The following CTNNA2 variants were observed in gnomAD, a reference collection of about 807,000 sequenced individuals.
CTNNA2 encodes catenin alpha-2.
A neutral mutation model predicts 101.0 loss-of-function variants in CTNNA2; 42 were observed. The observed-to-expected ratio is 0.42, with a 90% confidence interval of 0.32 to 0.54. CTNNA2 has a LOEUF of 0.54. Among genes scored for constraint, CTNNA2 ranks in the 20% least tolerant of loss-of-function variants. CTNNA2 has a pLI of 0.14. For synonymous variants in CTNNA2, 450 were observed against 456.4 expected (o/e 0.99, Z 0.18); for missense variants, 871 against 1,223.1 (o/e 0.71, Z 4.29).
chr2:79,724,673 G>T, intron 2 of CTNNA2, among the ~76,000 whole-genome samples: 1 of 151,926 alleles, frequency 6.6e-6, no homozygotes, highest in Admixed American at 6.6e-5. Context: ...AAATTAGCTG[G>T]GTGTGGTCGT....
chr2:80,305,455 T>G, intron 7 of CTNNA2: 1 of 875,888 alleles, frequency 1.1e-6, no homozygotes. Context: ...TACCCTGACT[T>G]GTGCTGTTCA....
intron 2 of CTNNA2, among the ~76,000 whole-genome samples, chr2:79,239,827 C>A (rs1674601457): frequency 6.6e-6 from 1 of 151,828 alleles, no homozygotes; most frequent in African/African-American, 2.4e-5. Context: ...CCGGAATATA[C>A]GAGGAACGTA....
chr2:80,574,243 G>C lies in CTNNA2; in HGVS notation c.1822G>C (p.Glu608Gln). 1 of 1,613,854 alleles carries C rather than the reference G, an allele frequency of 6.2e-7. No homozygotes were observed. Among genetic ancestry groups the C allele is most frequent in the Non-Finnish European group, 8.5e-7 (1 of 1,179,802 alleles). The change falls in exon 13 of 19, where the codon GAG (glutamate) becomes CAG (glutamine). Residue 608 changes from glutamate to glutamine, a missense_variant. Around this residue, in one of 5 missense-constraint regions of CTNNA2, gnomAD observed 647 missense variants for 831.5 expected, o/e 0.78. Transcript: ENST00000402739. The part of the protein sequence containing the change: ...ANVPQPFEEN[E>Q]FIDASRLVYD... Reference sequence around the variant, plus strand: ...CGTTCCTCAACCGTTTGAGGAGAATGAGTTCATCGATGCCTCTCGCCTGGT... The same window carrying C: ...CGTTCCTCAACCGTTTGAGGAGAATCAGTTCATCGATGCCTCTCGCCTGGT...
At chr2:80,006,458 G>T (rs932324367) in intron 7 of CTNNA2, among the ~76,000 whole-genome samples, 1 of 151,798 alleles carries the variant, frequency 6.6e-6, no homozygotes, top group Non-Finnish European at 1.5e-5. Flanking sequence ...TGTGCTTCAA[G>T]TCACAACCTC....
chr2:80,413,285 G>A (rs545067889), intron 8 of CTNNA2, among the ~76,000 whole-genome samples: 11 of 152,260 alleles, frequency 7.2e-5, no homozygotes, highest in African/African-American at 2.2e-4. Flanking sequence ...CACAGGGCCT[G>A]ATAGAGCTAA....
At chr2:80,424,489 A>C (rs1031781045) in intron 9 of CTNNA2, among the ~76,000 whole-genome samples, 8 of 152,126 alleles carry the variant, frequency 5.3e-5, no homozygotes, top group African/African-American at 1.9e-4. Context: ...TGAATGGCAA[A>C]CATGTGTGTG....
intron 3 of CTNNA2, among the ~76,000 whole-genome samples, chr2:79,353,556 G>C (rs1280307063): frequency 6.6e-6 from 1 of 152,168 alleles, no homozygotes; most frequent in Non-Finnish European, 1.5e-5. Flanking sequence ...GAGCCTGTGA[G>C]TGTCATTGCA....
chr2:79,887,483 AT>A (rs1335173490), intron 6 of CTNNA2, among the ~76,000 whole-genome samples: 1 of 151,988 alleles, frequency 6.6e-6, no homozygotes, highest in Admixed American at 6.6e-5. Flanking sequence ...TCTTGCACTG[AT>A]TTTTTTGGCT....
At chr2:80,532,202 C>T (rs1690602669) in intron 9 of CTNNA2, among the ~76,000 whole-genome samples, 1 of 152,114 alleles carries the variant, frequency 6.6e-6, no homozygotes. Context: ...ATATGGTAGT[C>T]CCCCCTTATC....
At chr2:79,976,472 A>G (rs1690850723) in intron 7 of CTNNA2, among the ~76,000 whole-genome samples, 1 of 152,194 alleles carries the variant, frequency 6.6e-6, no homozygotes, top group Non-Finnish European at 1.5e-5. Context: ...CTTTCTCTAG[A>G]TGGCTGCAAA....
At chr2:80,283,120 G>A (rs775400438) in intron 7 of CTNNA2, among the ~76,000 whole-genome samples, 3 of 152,028 alleles carry the variant, frequency 2.0e-5, no homozygotes, top group Non-Finnish European at 2.9e-5. Context: ...TAATTCTTTA[G>A]GACAAATAAC....
At position 79,623,811 on chromosome 2, in the gene CTNNA2, A is replaced by G. The variant is rs551303081; in HGVS notation, c.-5-27741A>G. On this transcript the variant is annotated intron_variant, in intron 1 of 18. Coordinates refer to ENST00000402739, the MANE Select transcript of CTNNA2 (RefSeq NM_001282597.3). ...AGAAAATCAGTTTAGGTCAAAATAC[A>G]TAAAATGGCTTGGATATTAATTTCA... Among the ~76,000 whole-genome samples the G allele has an allele frequency of 1.7e-3, 258 of 152,330 alleles. 1 individual carries two copies. The highest frequency in any genetic ancestry group is 2.7e-3 in the Non-Finnish European group (183 of 68,016).
intron 1 of CTNNA2, among the ~76,000 whole-genome samples, chr2:79,187,136 A>G (rs1322667365): frequency 1.3e-5 from 2 of 152,110 alleles, no homozygotes; most frequent in Non-Finnish European, 2.9e-5. Context: ...AGAAATATCC[A>G]CATTTGTGTC....
At chr2:80,034,164 A>G (rs1695496217) in intron 7 of CTNNA2, among the ~76,000 whole-genome samples, 1 of 151,898 alleles carries the variant, frequency 6.6e-6, no homozygotes, top group Non-Finnish European at 1.5e-5. Flanking sequence ...TGACTGGGAG[A>G]AGCTTCTGCA....
At chr2:79,790,818 T>C (rs1435149720) in intron 3 of CTNNA2, among the ~76,000 whole-genome samples, 4 of 152,210 alleles carry the variant, frequency 2.6e-5, no homozygotes, top group Non-Finnish European at 5.9e-5. Context: ...CTTAGACTTA[T>C]GCATAATAAG....
intron 7 of CTNNA2, among the ~76,000 whole-genome samples, chr2:80,196,532 A>G (rs1706844956): frequency 2.0e-5 from 3 of 152,184 alleles, no homozygotes; most frequent in South Asian, 4.1e-4. Flanking sequence ...TGCTTTACCC[A>G]TACCAACTCA....
chr2:80,005,349 C>T (rs1016841368), intron 7 of CTNNA2, among the ~76,000 whole-genome samples: 2 of 152,162 alleles, frequency 1.3e-5, no homozygotes, highest in South Asian at 2.1e-4. Context: ...TGGCCCTGCT[C>T]ATGTTGAGCA....
At chr2:80,289,185 T>A (rs1675022575) in intron 7 of CTNNA2, 1 of 152,138 alleles carries the variant, frequency 6.6e-6, no homozygotes, top group Non-Finnish European at 1.5e-5. Flanking sequence ...GGACTGAATC[T>A]GTTGACAGAA....
At position 80,581,756 on chromosome 2, in the gene CTNNA2, T is replaced by C; in HGVS notation, c.1944T>C (p.Asp648=). 6.2e-7 allele frequency: 1 copy of C among 1,613,496 alleles called. No homozygotes were observed. The highest frequency in any genetic ancestry group is 8.5e-7 in the Non-Finnish European group (1 of 1,179,566). Residue 648 remains aspartate (D), a synonymous_variant, in exon 14 of 19, where the codon GAT becomes GAC. Transcript: ENST00000402739. ...CTGACTTTGAGCAGGAAGATTATGA[T>C]GTGCGTAGCAGGACAAGTGTTCAGA... ...DDSDFEQEDY[D]VRSRTSVQTE...
Sources: allele counts gnomAD v4.1 joint callset (sites outside exome capture counted in the v4.1 genomes callset), GRCh38; gene constraint gnomAD v4.1.1; regional missense constraint gnomAD v4.1.1; transcripts MANE v1.5; gene names NCBI Gene and HGNC (gene_info 2026-07-23, HGNC 2026-07-21).